The following STK32B variants were observed in gnomAD, a reference collection of about 807,000 sequenced individuals.
STK32B encodes serine/threonine kinase 32B.
In STK32B, 43 loss-of-function variants were observed where a neutral mutation model predicts 52.6. The ratio of observed to expected loss-of-function variants is 0.82; its 90% CI spans 0.64 to 1.05. STK32B has a LOEUF of 1.05. Among genes scored for constraint, STK32B ranks in the 50% least tolerant of loss-of-function variants. The pLI is 0.00. For synonymous variants in STK32B, 238 were observed against 204.3 expected, an observed-to-expected ratio of 1.17 and a Z score of -1.41; for missense variants, 621 against 534.6, an observed-to-expected ratio of 1.16 and a Z score of -1.59.
intron 2 of STK32B, among the ~76,000 whole-genome samples, chr4:5,155,667 A>T (rs1717769016): frequency 6.6e-6 from 1 of 152,090 alleles, no homozygotes; most frequent in African/African-American, 2.4e-5. Context: ...ATGATAGTGA[A>T]TTCTCACGAG....
intron 3 of STK32B, among the ~76,000 whole-genome samples, chr4:5,238,806 G>A (rs941883545): frequency 1.3e-5 from 2 of 152,192 alleles, no homozygotes. Flanking sequence ...CTGCGTGTCA[G>A]CACCACAAGG....
chr4:5,134,660 C>T (rs1158052100), intron 1 of STK32B, among the ~76,000 whole-genome samples: 1 of 152,192 alleles, frequency 6.6e-6, no homozygotes, highest in African/African-American at 2.4e-5. Context: ...CAATTTTAAT[C>T]ATTGGACTAG....
At chr4:5,446,363 C>G (rs944599567) in intron 6 of STK32B, among the ~76,000 whole-genome samples, 5 of 152,050 alleles carry the variant, frequency 3.3e-5, no homozygotes, top group African/African-American at 7.2e-5. Context: ...GCCAAGAGTT[C>G]GAGACCAGCC....
chr4:5,360,900 G>T (rs28648476), intron 4 of STK32B, among the ~76,000 whole-genome samples: 16,049 of 152,158 alleles, frequency 0.11, 1,338 homozygotes, highest in Admixed American at 0.22. Context: ...AGAGTATTAA[G>T]TCCATTGTCA....
intron 1 of STK32B, among the ~76,000 whole-genome samples, chr4:5,099,636 G>T (rs952367196): frequency 9.9e-5 from 15 of 152,118 alleles, no homozygotes; most frequent in African/African-American, 3.6e-4. Flanking sequence ...GGCCTCGAAG[G>T]ACAGATAGGA....
chr4:5,137,028 T>A (rs1324243970), intron 1 of STK32B, among the ~76,000 whole-genome samples: 1 of 152,224 alleles, frequency 6.6e-6, no homozygotes, highest in African/African-American at 2.4e-5. Flanking sequence ...TACAATGTTA[T>A]AACACTAATT....
At chr4:5,313,368 C>G (rs1730442466) in intron 3 of STK32B, among the ~76,000 whole-genome samples, 1 of 152,066 alleles carries the variant, frequency 6.6e-6, no homozygotes, top group African/African-American at 2.4e-5. Flanking sequence ...TCTCAGGCAA[C>G]TAGAAAAAGA....
intron 3 of STK32B, among the ~76,000 whole-genome samples, chr4:5,238,746 T>C (rs34050206): frequency 8.9e-4 from 135 of 152,340 alleles, no homozygotes; most frequent in Non-Finnish European, 1.4e-3. Flanking sequence ...TTTTCATTCA[T>C]TCATTCCTTC....
At chr4:5,269,050 G>A (rs1727241882) in intron 3 of STK32B, among the ~76,000 whole-genome samples, 1 of 152,118 alleles carries the variant, frequency 6.6e-6, no homozygotes, top group African/African-American at 2.4e-5. Context: ...CTGAGTAGAA[G>A]AGACAGAATT....
At chr4:5,245,402 C>A (rs6446341) in intron 3 of STK32B, among the ~76,000 whole-genome samples, 25,971 of 151,988 alleles carry the variant, frequency 0.17, 2,571 homozygotes, top group African/African-American at 0.25. Flanking sequence ...GATTGCAACC[C>A]CTGCCTTTTT....
At chr4:5,147,115 G>A (rs1426513114) in intron 2 of STK32B, among the ~76,000 whole-genome samples, 7 of 152,138 alleles carry the variant, frequency 4.6e-5, no homozygotes, top group Admixed American at 4.6e-4. Flanking sequence ...CATTTTTAGG[G>A]TAGAGGCTTT....
Position 5,051,784 on chromosome 4 carries a change from C to G in STK32B, c.-80C>G. 1 of 1,542,662 alleles carries G rather than the reference C, an allele frequency of 6.5e-7. No individual in the cohort carries two copies. Among genetic ancestry groups the G allele is most frequent in the East Asian group, 2.5e-5 (1 of 40,362 alleles). On this transcript the variant is annotated 5_prime_UTR_variant, in exon 1 of 12. Coordinates refer to ENST00000282908, the MANE Select transcript of STK32B (RefSeq NM_018401.3). ...CCGGACTGGGCGCGCCCCCGGCATC[C>G]CGCATCTCTGCGCGCGTCCCACATC...
In STK32B at chr4:5,394,894, A is replaced by G. The variant is rs1560378292; in HGVS notation, c.435-3313A>G. On this transcript the variant is annotated intron_variant, in intron 4 of 11. Coordinates refer to ENST00000282908, the MANE Select transcript of STK32B (RefSeq NM_018401.3). This position sits in a 1 kb window ranked among gnomAD's most constrained non-coding sequence, Gnocchi z 4.2. ...TAACAACTTAAAATAACTCACATTT[A>G]TTTTCCCTCCATTTCCGTGGCCCAG... 6.6e-6 allele frequency among the ~76,000 whole-genome samples: 1 copy of G among 152,184 alleles called. No individual in the cohort carries two copies. The highest frequency in any genetic ancestry group is 2.4e-5 in the African/African-American group (1 of 41,444).
chr4:5,180,993 G>T (rs914735644), intron 3 of STK32B, among the ~76,000 whole-genome samples: 2 of 152,278 alleles, frequency 1.3e-5, no homozygotes, highest in Admixed American at 1.3e-4. Context: ...GCACCCCAGA[G>T]AGTGAGGGTG....
intron 4 of STK32B, among the ~76,000 whole-genome samples, chr4:5,350,399 A>C: frequency 6.6e-6 from 1 of 152,168 alleles, no homozygotes; most frequent in Non-Finnish European, 1.5e-5. Flanking sequence ...CCAGCCCTAC[A>C]AGAAATGCTT....
intron 2 of STK32B, among the ~76,000 whole-genome samples, chr4:5,143,548 G>A (rs1020085882): frequency 1.3e-5 from 2 of 152,150 alleles, no homozygotes; most frequent in Non-Finnish European, 2.9e-5. Flanking sequence ...AAGAGTTGAA[G>A]TTTCCCTTGT....
At chr4:5,485,027 T>C (rs575796017) in intron 11 of STK32B, among the ~76,000 whole-genome samples, 11 of 152,250 alleles carry the variant, frequency 7.2e-5, no homozygotes, top group African/African-American at 2.4e-4. Context: ...TCCCATTTTT[T>C]CCTTCATTTC....
chr4:5,456,869 G>C lies in STK32B; in HGVS notation c.729G>C (p.Glu243Asp). Residue 243 changes from glutamate (E) to aspartate (D), a missense_variant, in exon 8 of 12, where the codon GAG (glutamate) becomes GAC (aspartate). Transcript: ENST00000282908. ...IDEILNMFKV[E>D]RVHYSSTWCK... ...AAATCCTCAACATGTTCAAGGTGGA[G>C]CGTGTCCACTACTCCTCCACGTGGT... is the stretch of plus-strand genomic sequence containing the variant. The C allele has an allele frequency of 6.3e-7, 1 of 1,599,562 alleles. No homozygotes were observed. Among genetic ancestry groups the C allele is most frequent in the Non-Finnish European group, 8.5e-7 (1 of 1,172,044 alleles).
At chr4:5,352,999 C>T (rs1463880318) in intron 4 of STK32B, among the ~76,000 whole-genome samples, 1 of 152,082 alleles carries the variant, frequency 6.6e-6, no homozygotes, top group African/African-American at 2.4e-5. Context: ...AAATAACTGA[C>T]TTCAGAATAT....
Sources: allele counts gnomAD v4.1 joint callset (sites outside exome capture counted in the v4.1 genomes callset), GRCh38; gene constraint gnomAD v4.1.1; non-coding constraint Gnocchi (gnomAD v3.1); transcripts MANE v1.5; gene names NCBI Gene and HGNC (gene_info 2026-07-23, HGNC 2026-07-21).